MAGI1: variants seen among roughly 807,000 people sequenced by gnomAD.
The protein encoded by MAGI1 is membrane-associated guanylate kinase, WW and PDZ domain-containing protein 1.
Under a neutral mutation model 139.9 loss-of-function variants are expected in MAGI1, and 58 were observed. The ratio of observed to expected loss-of-function variants is 0.41; its 90% confidence interval spans 0.34 to 0.52. The LOEUF (loss-of-function observed/expected upper bound fraction) is 0.52. MAGI1 is among the 20% of genes least tolerant of loss of function. The pLI, the probability that MAGI1 is intolerant of heterozygous loss-of-function variation, is 0.12. For synonymous variants in MAGI1, 812 were observed against 737.9 expected (o/e 1.10, Z -1.63); for missense variants, 1,874 against 1,901.6 (o/e 0.99, Z 0.27).
intron 12 of MAGI1, among the ~76,000 whole-genome samples, chr3:65,413,405 G>T (rs543415261): frequency 1.3e-5 from 2 of 152,102 alleles, no homozygotes; most frequent in East Asian, 3.9e-4. Context: ...AAGTCCTGCC[G>T]CACTGCATTA....
chr3:65,389,929 T>C (rs1943766806), intron 14 of MAGI1, among the ~76,000 whole-genome samples: 1 of 152,200 alleles, frequency 6.6e-6, no homozygotes, highest in South Asian at 2.1e-4. Context: ...CCAGCAAGAC[T>C]CCAGGCTCAC....
intron 1 of MAGI1, among the ~76,000 whole-genome samples, chr3:65,998,943 C>T (rs1675920241): frequency 6.6e-6 from 1 of 152,140 alleles, no homozygotes. Context: ...ACAGTTATTT[C>T]ATTTCTTAAC....
chr3:65,619,824 T>C (rs1200251761), intron 2 of MAGI1: 1 of 981,264 alleles, frequency 1.0e-6, no homozygotes, highest in Non-Finnish European at 1.2e-6. Context: ...TCCCATTTTA[T>C]GAAGAAAGTG....
intron 3 of MAGI1, among the ~76,000 whole-genome samples, chr3:65,488,067 G>A (rs552032688): frequency 6.6e-6 from 1 of 152,244 alleles, no homozygotes; most frequent in Admixed American, 6.5e-5. Flanking sequence ...TGGTTCTAAG[G>A]GAAACAGGGT....
At chr3:65,446,250 G>A (rs560855333) in intron 7 of MAGI1, among the ~76,000 whole-genome samples, 16 of 152,240 alleles carry the variant, frequency 1.1e-4, no homozygotes, top group South Asian at 2.1e-4. Context: ...ATTAAAACAC[G>A]CTTTCATTAA....
intron 1 of MAGI1, among the ~76,000 whole-genome samples, chr3:65,751,258 C>T (rs2036126121): frequency 6.6e-6 from 1 of 152,218 alleles, no homozygotes; most frequent in South Asian, 2.1e-4. Context: ...GATCCTTCAG[C>T]TGGAGGCTTC....
chr3:65,577,001 G>A (rs1371580889), intron 2 of MAGI1, among the ~76,000 whole-genome samples: 2 of 152,188 alleles, frequency 1.3e-5, no homozygotes, highest in Non-Finnish European at 2.9e-5. Flanking sequence ...ACAAATAGCT[G>A]TAAGTAAATA....
chr3:65,922,932 G>A (rs998150352), intron 1 of MAGI1, among the ~76,000 whole-genome samples: 1 of 82,136 alleles, frequency 1.2e-5, no homozygotes, highest in Admixed American at 1.1e-4. Flanking sequence ...ATACATAATA[G>A]GAAAACATAA....
At chr3:66,008,092 C>T (rs1251469505) in intron 1 of MAGI1, among the ~76,000 whole-genome samples, 5 of 151,950 alleles carry the variant, frequency 3.3e-5, no homozygotes, top group Admixed American at 6.6e-5. Context: ...AGATGGGGTT[C>T]CACCATGTTG....
rs556026760 is a variant in MAGI1, at chr3:65,591,634, G to A, written c.430+30338C>T. On this transcript the variant is annotated intron_variant, in intron 2 of 22. Transcript: ENST00000402939. ...TGGCTCCTATTTCATTCTGGGTGGC[G>A]TGGTTGGTTAGGGTCTAAAATGTCT... Among the ~76,000 whole-genome samples the A allele has an allele frequency of 2.2e-4, 33 of 152,260 alleles. No homozygotes were observed. The South Asian group carries it at 2.9e-3, about 13-fold the overall frequency.
chr3:65,950,288 A>C (rs2063774538), intron 1 of MAGI1, among the ~76,000 whole-genome samples: 1 of 152,008 alleles, frequency 6.6e-6, no homozygotes, highest in Non-Finnish European at 1.5e-5. Context: ...TTCAGAGACC[A>C]CTCCTGAAAA....
chr3:65,595,806 CTGGGGTGGG>C (rs2082163826), intron 2 of MAGI1, among the ~76,000 whole-genome samples: 2 of 10,572 alleles, frequency 1.9e-4, no homozygotes. Context: ...TTTTAACTCT[CTGGGGTGGG>C]TAGGGTGGGT....
rs527880319 is a variant in MAGI1 at position 65,828,686 on chromosome 3, T to C, written c.314-206598A>G. Among the ~76,000 whole-genome samples, 117 of 152,332 alleles carry C rather than the reference T, an allele frequency of 7.7e-4. 1 individual carries two copies. In the South Asian group the frequency reaches 0.024, roughly 31 times the overall value. The stretch of plus-strand genomic sequence containing the variant: ...CTGCACAACTGCAAATGTGTTACCT[T>C]ACATTACAAAAGGATTTTGCAATTT... On this transcript the variant is annotated intron_variant, in intron 1 of 22. Coordinates refer to ENST00000402939, the MANE Select transcript of MAGI1 (RefSeq NM_001033057.2).
intron 12 of MAGI1, among the ~76,000 whole-genome samples, chr3:65,429,124 A>G (rs776956541): frequency 6.6e-6 from 1 of 152,046 alleles, no homozygotes; most frequent in African/African-American, 2.4e-5. Context: ...TATTTTTTAT[A>G]TATATATAAA....
intron 1 of MAGI1, among the ~76,000 whole-genome samples, chr3:65,948,108 A>AT (rs1442062872): frequency 6.6e-6 from 1 of 151,096 alleles, no homozygotes; most frequent in Non-Finnish European, 1.5e-5. Context: ...CACCAGGCTA[A>AT]TTTTTTTGTA....
intron 1 of MAGI1, among the ~76,000 whole-genome samples, chr3:65,934,783 T>A (rs1038863840): frequency 6.6e-6 from 1 of 151,630 alleles, no homozygotes; most frequent in African/African-American, 2.4e-5. Flanking sequence ...TTTTTTTTTT[T>A]AAGGGGAGGT....
At chr3:65,680,017 G>C (rs369761666) in intron 1 of MAGI1, among the ~76,000 whole-genome samples, 3 of 152,154 alleles carry the variant, frequency 2.0e-5, no homozygotes, top group Non-Finnish European at 4.4e-5. Context: ...TCCTTGCTTA[G>C]AGGGTAGAAA....
intron 2 of MAGI1, among the ~76,000 whole-genome samples, chr3:65,519,095 C>G (rs1183107445): frequency 6.6e-6 from 1 of 152,082 alleles, no homozygotes; most frequent in East Asian, 1.9e-4. Flanking sequence ...CAGGAGCAAG[C>G]TATGTGTTTG....
chr3:65,605,233 C>G (rs917282894), intron 2 of MAGI1, among the ~76,000 whole-genome samples: 1 of 152,182 alleles, frequency 6.6e-6, no homozygotes, highest in African/African-American at 2.4e-5. Context: ...TTACAATGAA[C>G]CTGTGCTGGT....
Sources: gnomAD v4.1 joint callset for allele counts (sites outside exome capture counted in the v4.1 genomes callset) on GRCh38, gnomAD v4.1.1 for gene constraint, MANE v1.5 for transcripts, NCBI Gene and HGNC (gene_info 2026-07-23, HGNC 2026-07-21) for gene names.